Variants in MAP3K10 observed in about 807,000 individuals in gnomAD.
MAP3K10 encodes the protein MKN28 derived nonreceptor_type serine/threonine kinase.
A neutral mutation model predicts 75.0 loss-of-function variants in MAP3K10; 22 were observed. The observed-to-expected ratio is 0.29, with a 90% CI of 0.21 to 0.42. MAP3K10 has a LOEUF of 0.42. MAP3K10 is among the 10% of genes least tolerant of loss of function. The probability of loss-of-function intolerance (pLI) is 1.00; values close to 1 mark genes in which losing one functional copy is unlikely to be tolerated. For synonymous variants in MAP3K10, 599 were observed against 612.9 expected (o/e 0.98, Z 0.34); for missense variants, 1,165 against 1,379.8 (o/e 0.84, Z 2.47).
chr19:40,206,301 C>T (rs1973120700), intron 5 of MAP3K10, 144 bp downstream of exon 5: 5 of 1,015,748 alleles, frequency 4.9e-6, no homozygotes, highest in South Asian at 4.1e-5. Flanking sequence ...AGTGCAGTGG[C>T]GAGCACTTGT....
chr19:40,203,161 G>A (rs1207158777), intron 2 of MAP3K10, among the ~76,000 whole-genome samples: 1 of 152,072 alleles, frequency 6.6e-6, no homozygotes, highest in Non-Finnish European at 1.5e-5. Flanking sequence ...CCAACATGGT[G>A]AAACCCCATC....
At position 40,215,271 on chromosome 19, in the gene MAP3K10, C is replaced by A. The variant is rs527871668; in HGVS notation, c.2844C>A (p.Cys948Ter). 1 of 1,548,702 alleles carries A rather than the reference C, an allele frequency of 6.5e-7. No individual in the cohort carries two copies. The highest frequency in any genetic ancestry group is 8.7e-7 in the Non-Finnish European group (1 of 1,145,584). The change falls in exon 10 of 10, where the codon TGC becomes TGA. Residue 948 changes from cysteine to a stop codon, truncating the protein, a stop_gained. Coordinates refer to ENST00000253055, the MANE Select transcript of MAP3K10 (RefSeq NM_002446.4). LOFTEE classifies it high-confidence loss of function. Reference protein sequence around the residue: ...GQNQDSTVPLCGAHGSH With the variant: ...GQNQDSTVPL ...ACCAAGACAGCACAGTGCCCCTGTG[C>A]GGGGCCCACGGCTCCCACTAAGGCC...
At chr19:40,197,124 C>T (rs1972921299) in intron 1 of MAP3K10, among the ~76,000 whole-genome samples, 1 of 152,166 alleles carries the variant, frequency 6.6e-6, no homozygotes, top group Non-Finnish European at 1.5e-5. Context: ...CTGGGCTCAG[C>T]TGGAGAGGCT....
Position 40,213,990 on chromosome 19 carries a change from C to A in MAP3K10, c.2311C>A (p.Pro771Thr). 6.5e-7 allele frequency: 1 copy of A among 1,527,490 alleles called. No individual in the cohort carries two copies. Among genetic ancestry groups the A allele is most frequent in the Non-Finnish European group, 8.7e-7 (1 of 1,143,336 alleles). The allele number at this position is 1,527,490 out of a possible 1,614,324, so 94.6% of individuals were successfully genotyped here. The change falls in exon 9 of 10, where the codon CCG (proline) becomes ACG (threonine). Residue 771 changes from proline to threonine, a missense_variant. Coordinates refer to ENST00000253055, the MANE Select transcript of MAP3K10 (RefSeq NM_002446.4). This position sits in a 1 kb window ranked among gnomAD's most constrained non-coding sequence, Gnocchi z 5.7. ...GCGCTCTGACAGTGACGAGGCCGCA[C>A]CGGCCGCGCCCTCCCCACCACCCTC... is the stretch of plus-strand genomic sequence containing the variant. ...LLRSDSDEAA[P>T]AAPSPPPSPP...
At position 40,215,016 on chromosome 19, in the gene MAP3K10, C is replaced by T; in HGVS notation, c.2589C>T (p.Ala863=). The change falls in exon 10 of 10, where the codon GCC becomes GCT. Residue 863 remains alanine (A), a synonymous_variant. Coordinates refer to ENST00000253055, the MANE Select transcript of MAP3K10 (RefSeq NM_002446.4). ...LDFPRLPDPQ[A]LFPARRRPPE... Reference sequence around the variant, plus strand: ...TCCCCCGCCTGCCCGACCCCCAGGCCCTGTTCCCAGCCCGCCGCCGGCCCC... The same window carrying T: ...TCCCCCGCCTGCCCGACCCCCAGGCTCTGTTCCCAGCCCGCCGCCGGCCCC... The T allele has an allele frequency of 1.9e-6, 3 of 1,601,550 alleles. No individual in the cohort carries two copies. Among genetic ancestry groups the T allele is most frequent in the Non-Finnish European group, 2.6e-6 (3 of 1,173,280 alleles).
At position 40,195,471 on chromosome 19, in the gene MAP3K10, CTTTTTTTTTTTTTTT is replaced by C. The variant is rs61289931; in HGVS notation, c.682+2781_682+2795del. On this transcript the variant is annotated intron_variant, in intron 1 of 9. Transcript: ENST00000253055. ...GAGGTAACACTGAAGCCCGCCCGGCCTTTTTTTTTTTTTTTTTTTTTTTTTTTTTTTTTTTTTGAG... is the reference window on the plus strand; with the variant it reads ...GAGGTAACACTGAAGCCCGCCCGGCCTTTTTTTTTTTTTTTTTTTTTTGAG... 1.2e-3 allele frequency among the ~76,000 whole-genome samples: 60 copies of C among 48,658 alleles called. 3 individuals are homozygous for C. The highest frequency in any genetic ancestry group is 5.8e-3 in the South Asian group (5 of 858). The allele number at this position is 48,658 out of a possible 152,430, so 31.9% of individuals were successfully genotyped here. A position where few individuals can be genotyped will look rare whatever the true frequency, so the allele number is the denominator to read the frequency against.
At position 40,204,278 on chromosome 19, in the gene MAP3K10, C is replaced by G. The variant is rs189169482; in HGVS notation, c.864-207C>G. ...CAGGCAGGGGAGAGGGAAGACAGGC[C>G]GAGCAAAGGAGAGACATCAGAGAGC... On this transcript the variant is annotated intron_variant, in intron 2 of 9. Coordinates refer to ENST00000253055, the MANE Select transcript of MAP3K10 (RefSeq NM_002446.4). The surrounding 1 kb of genome is among the most constrained non-coding windows in gnomAD (Gnocchi z 4.3). Among the ~76,000 whole-genome samples the G allele has an allele frequency of 1.3e-5, 2 of 152,230 alleles. No individual in the cohort carries two copies. Among genetic ancestry groups the G allele is most frequent in the East Asian group, 3.9e-4 (2 of 5,180 alleles).
At position 40,205,921 on chromosome 19, in the gene MAP3K10, G is replaced by GC; in HGVS notation, c.1201dup (p.Arg401ProfsTer2). ...GCCTCTCCTTCCCAGGAGCTTCGGA[G>GC]CCGTGAGGAGGAGCTGCTGCGGGCG... On this transcript the variant is annotated frameshift_variant, in exon 5 of 10. Transcript: ENST00000253055. LOFTEE classifies it high-confidence loss of function. This position sits in a 1 kb window ranked among gnomAD's most constrained non-coding sequence, Gnocchi z 4.3. 6.4e-7 allele frequency: 1 copy of GC among 1,566,918 alleles called. No individual in the cohort carries two copies. The highest frequency in any genetic ancestry group is 8.7e-7 in the Non-Finnish European group (1 of 1,154,074).
rs1205228857 is a variant in MAP3K10, at chr19:40,208,335, C to CTCTT, written c.1436-758_1436-755dup. 7.5e-3 allele frequency among the ~76,000 whole-genome samples: 730 copies of CTCTT among 97,754 alleles called. 21 individuals are homozygous for CTCTT. Among genetic ancestry groups the CTCTT allele is most frequent in the Admixed American group, 0.012 (98 of 8,072 alleles). The allele number at this position is 97,754 out of a possible 152,430, so 64.1% of individuals were successfully genotyped here. A position where few individuals can be genotyped will look rare whatever the true frequency, so the allele number is the denominator to read the frequency against. On this transcript the variant is annotated intron_variant, in intron 5 of 9. Coordinates refer to ENST00000253055, the MANE Select transcript of MAP3K10 (RefSeq NM_002446.4). ...TACAGGCACCCGCCACCACGCCTGG[C>CTCTT]TCTTTCTTTCTTTTTTTTTTTTTTT... is the stretch of plus-strand genomic sequence containing the variant.
intron 1 of MAP3K10, among the ~76,000 whole-genome samples, chr19:40,193,059 A>G (rs1383242766): frequency 6.6e-6 from 1 of 152,218 alleles, no homozygotes; most frequent in Non-Finnish European, 1.5e-5. Context: ...TCCACCAGGC[A>G]GAGACAAAAA....
At position 40,213,160 on chromosome 19, in the gene MAP3K10, C is replaced by A. The variant is rs139652059; in HGVS notation, c.1809C>A (p.Ala603=). Residue 603 remains alanine (A), a synonymous_variant, in exon 8 of 10, where the codon GCC becomes GCA. Transcript: ENST00000253055. This position sits in a 1 kb window ranked among gnomAD's most constrained non-coding sequence, Gnocchi z 5.7. Reference sequence around the variant, plus strand: ...AGTCCCCCAAACACACACCCATCGCCCCTGGCTTTGCCAGCCTCAATGAGA... The same window carrying A: ...AGTCCCCCAAACACACACCCATCGCACCTGGCTTTGCCAGCCTCAATGAGA... The part of the protein sequence containing the change: ...LGKSPKHTPI[A]PGFASLNEME... 1.3e-5 allele frequency: 21 copies of A among 1,591,264 alleles called. No individual in the cohort carries two copies. In the African/African-American group the frequency reaches 2.7e-4, roughly 20 times the overall value.
In MAP3K10 at chr19:40,215,216, C is replaced by T. The variant is rs1222572791; in HGVS notation, c.2789C>T (p.Thr930Ile). 1 of 1,570,766 alleles carries T rather than the reference C, an allele frequency of 6.4e-7. No individual in the cohort carries two copies. The highest frequency in any genetic ancestry group is 1.9e-5 in the Admixed American group (1 of 53,698). Residue 930 changes from threonine (T) to isoleucine (I), a missense_variant, in exon 10 of 10, where the codon ACA becomes ATA. Thr to Ile is a moderately conservative substitution (Grantham distance 89, BLOSUM62 -1). Transcript: ENST00000253055. ...ESPGPPSVQP[T>I]LLDMDMEGQN... is the part of the protein sequence containing the mutation. ...CCTGGGCCCCCCAGCGTGCAGCCCA[C>T]ACTGCTGGACATGGACATGGAGGGG...
chr19:40,192,746 A>G lies in MAP3K10; in HGVS notation c.682+33A>G. 2.7e-6 allele frequency: 4 copies of G among 1,494,614 alleles called. No individual in the cohort carries two copies. The highest frequency in any genetic ancestry group is 3.6e-6 in the Non-Finnish European group (4 of 1,119,996). 92.6% of individuals were successfully genotyped at this position (1,494,614 alleles called of 1,614,324 possible). ...GTGTCCTCTCCCCAAAATTCCTTCC[A>G]CAGAACCTCTCAAGGCCAGGCCTAG... On this transcript the variant is annotated intron_variant, in intron 1 of 9. Coordinates refer to ENST00000253055, the MANE Select transcript of MAP3K10 (RefSeq NM_002446.4). This position sits in a 1 kb window ranked among gnomAD's most constrained non-coding sequence, Gnocchi z 7.1.
At position 40,215,008 on chromosome 19, in the gene MAP3K10, C is replaced by A; in HGVS notation, c.2581C>A (p.Pro861Thr). The A allele has an allele frequency of 6.3e-7, 1 of 1,596,208 alleles. No individual in the cohort carries two copies. The highest frequency in any genetic ancestry group is 2.2e-5 in the East Asian group (1 of 44,750). The change falls in exon 10 of 10, where the codon CCC (proline) becomes ACC (threonine). Residue 861 changes from proline (P) to threonine (T), a missense_variant. Around this residue, in one of 2 missense-constraint regions of MAP3K10, gnomAD observed 590 missense variants for 586.6 expected, o/e 1.01. Transcript: ENST00000253055. ...DLLDFPRLPD[P>T]QALFPARRRP... ...TCTGGACTTCCCCCGCCTGCCCGAC[C>A]CCCAGGCCCTGTTCCCAGCCCGCCG...
At chr19:40,196,056 C>T (rs1300600881) in intron 1 of MAP3K10, among the ~76,000 whole-genome samples, 1 of 151,974 alleles carries the variant, frequency 6.6e-6, no homozygotes, top group African/African-American at 2.4e-5. Context: ...TAAATTTTTA[C>T]TATAACGCTA....
At chr19:40,214,447 A>G (rs1019075029) in intron 9 of MAP3K10, among the ~76,000 whole-genome samples, 2 of 152,186 alleles carry the variant, frequency 1.3e-5, no homozygotes, top group African/African-American at 2.4e-5. Context: ...GCAGGTGCCT[A>G]TAGCGGTTGT....
At chr19:40,201,376 G>T (rs1200378020) in intron 2 of MAP3K10, among the ~76,000 whole-genome samples, 1 of 151,110 alleles carries the variant, frequency 6.6e-6, no homozygotes, top group Non-Finnish European at 1.5e-5. Flanking sequence ...TAATTTTTCA[G>T]TAGAGACGGG....
rs1973072128 is a variant in MAP3K10, at chr19:40,204,033, T to C, written c.864-452T>C. On this transcript the variant is annotated intron_variant, in intron 2 of 9. Coordinates refer to ENST00000253055, the MANE Select transcript of MAP3K10 (RefSeq NM_002446.4). The surrounding 1 kb of genome is among the most constrained non-coding windows in gnomAD (Gnocchi z 4.3). ...GGCTGAGAGTGTTTGGAAGTGAGGC[T>C]GCAGGGGTCATCAAAGGCCAGGGCC... Among the ~76,000 whole-genome samples the C allele has an allele frequency of 6.6e-6, 1 of 152,106 alleles. No individual in the cohort carries two copies. The highest frequency in any genetic ancestry group is 2.1e-4 in the South Asian group (1 of 4,828).
At position 40,214,006 on chromosome 19, in the gene MAP3K10, CACCACCCTCCCCGCCCGCG is replaced by C; in HGVS notation, c.2328_2346del (p.Pro778HisfsTer38). 6.6e-7 allele frequency: 1 copy of C among 1,505,074 alleles called. No individual in the cohort carries two copies. Among genetic ancestry groups the C allele is most frequent in the East Asian group, 2.6e-5 (1 of 38,752 alleles). The allele number at this position is 1,505,074 out of a possible 1,614,324, so 93.2% of individuals were successfully genotyped here. A position where few individuals can be genotyped will look rare whatever the true frequency, so the allele number is the denominator to read the frequency against. On this transcript the variant is annotated frameshift_variant, in exon 9 of 10. Coordinates refer to ENST00000253055, the MANE Select transcript of MAP3K10 (RefSeq NM_002446.4). LOFTEE classifies it high-confidence loss of function. ...GAGGCCGCACCGGCCGCGCCCTCCC[CACCACCCTCCCCGCCCGCG>C]CCCACACCCACGCCCTCGCCCAGCA...
Sources: allele counts gnomAD v4.1 joint callset (sites outside exome capture counted in the v4.1 genomes callset), GRCh38; gene constraint gnomAD v4.1.1; regional missense constraint gnomAD v4.1.1; non-coding constraint Gnocchi (gnomAD v3.1); transcripts MANE v1.5; gene names NCBI Gene and HGNC (gene_info 2026-07-23, HGNC 2026-07-21).